Variants in OSBPL6 observed in about 807,000 individuals in gnomAD.
OSBPL6 encodes oxysterol-binding protein-related protein 6.
In OSBPL6, 49 loss-of-function variants were observed where a neutral mutation model predicts 125.8. That is an observed-to-expected ratio of 0.39 (90% confidence interval 0.31 to 0.49). The LOEUF (loss-of-function observed/expected upper bound fraction) is 0.49. OSBPL6 is among the 20% of genes least tolerant of loss of function. The pLI, the probability that OSBPL6 is intolerant of heterozygous loss-of-function variation, is 0.88. For missense variants in OSBPL6, 986 were observed against 1,135.4 expected (o/e 0.87, Z 1.89); for synonymous variants, 394 against 391.8 (o/e 1.01, Z -0.07).
chr2:178,313,601 T>TA (rs1174315290), intron 3 of OSBPL6, among the ~76,000 whole-genome samples: 1 of 152,134 alleles, frequency 6.6e-6, no homozygotes, highest in Non-Finnish European at 1.5e-5. Flanking sequence ...AAAATATAAA[T>TA]AATAAAAAAT....
At chr2:178,382,667 G>C in intron 16 of OSBPL6, 160 bp downstream of exon 16, 7 of 1,467,898 alleles carry the variant, frequency 4.8e-6, no homozygotes, top group Non-Finnish European at 6.3e-6. Flanking sequence ...ATGATCTCTT[G>C]AGGTAAATGG....
intron 1 of OSBPL6, among the ~76,000 whole-genome samples, chr2:178,269,404 C>T (rs191915948): frequency 1.3e-5 from 2 of 152,192 alleles, no homozygotes; most frequent in Non-Finnish European, 2.9e-5. Context: ...ACTCACTTCT[C>T]TTGGGTATAT....
At chr2:178,391,360 T>C (rs1695391663) in intron 22 of OSBPL6, 143 bp downstream of exon 22, 1 of 817,406 alleles carries the variant, frequency 1.2e-6, no homozygotes, top group Non-Finnish European at 1.8e-6. Context: ...GCAATTATAG[T>C]TACATTCATA....
intron 8 of OSBPL6, among the ~76,000 whole-genome samples, chr2:178,335,752 T>A (rs1278621976): frequency 6.6e-6 from 1 of 152,250 alleles, no homozygotes; most frequent in Non-Finnish European, 1.5e-5. Context: ...ATCTTTTTAA[T>A]GAGAAGTCTA....
At chr2:178,370,558 A>G (rs1046206686) in intron 13 of OSBPL6, among the ~76,000 whole-genome samples, 3 of 152,190 alleles carry the variant, frequency 2.0e-5, no homozygotes, top group Non-Finnish European at 4.4e-5. Context: ...TCCAAGAAAA[A>G]TGATCCTGAG....
chr2:178,362,459 ACT>A (rs1303219903), intron 13 of OSBPL6, among the ~76,000 whole-genome samples: 15 of 152,198 alleles, frequency 9.9e-5, no homozygotes, highest in African/African-American at 3.6e-4. Context: ...GCTTTTTTCA[ACT>A]GAGTAGTTCC....
At chr2:178,211,203 G>A (rs896693067) in intron 1 of OSBPL6, among the ~76,000 whole-genome samples, 1 of 152,172 alleles carries the variant, frequency 6.6e-6, no homozygotes, top group Admixed American at 6.5e-5. Context: ...CCGAGAGTTT[G>A]AGGCTGCAGT....
In OSBPL6 at chr2:178,361,807, C is replaced by G; in HGVS notation, c.1279C>G (p.Leu427Val). 6.2e-7 allele frequency: 1 copy of G among 1,614,028 alleles called. No individual in the cohort carries two copies. The highest frequency in any genetic ancestry group is 1.1e-5 in the South Asian group (1 of 91,082). Residue 427 changes from leucine to valine, a missense_variant, in exon 13 of 25, where the codon CTG (leucine) becomes GTG (valine). By Grantham distance (32) the Leu-to-Val change is conservative. Transcript: ENST00000190611. ...GCAGATGGCACGGCTCCGACAGTCA[C>G]TGTCTCAGGTAGGCAAAGAGTGTGT... ...STQMARLRQS[L>V]SQALNQNAEL...
At chr2:178,379,636 A>G (rs776637878) in intron 15 of OSBPL6, among the ~76,000 whole-genome samples, 6 of 152,218 alleles carry the variant, frequency 3.9e-5, no homozygotes, top group African/African-American at 7.2e-5. Context: ...CCTCAAACAT[A>G]ATTGTGTATG....
At chr2:178,310,660 G>A (rs552960002) in intron 3 of OSBPL6, among the ~76,000 whole-genome samples, 8 of 151,712 alleles carry the variant, frequency 5.3e-5, no homozygotes, top group Admixed American at 2.6e-4. Context: ...CTCATGATCC[G>A]CCCACCTCGG....
chr2:178,321,007 C>T (rs531518195), intron 3 of OSBPL6, among the ~76,000 whole-genome samples: 62 of 152,130 alleles, frequency 4.1e-4, no homozygotes, highest in African/African-American at 1.3e-3. Flanking sequence ...AAAATACAAC[C>T]GGGCGTGGTG....
At chr2:178,329,717 G>A (rs923146434) in intron 5 of OSBPL6, among the ~76,000 whole-genome samples, 1 of 152,044 alleles carries the variant, frequency 6.6e-6, no homozygotes, top group South Asian at 2.1e-4. Flanking sequence ...GAGCCACCAC[G>A]TCAGTTTAAA....
At chr2:178,329,550 C>G (rs1188876952) in intron 5 of OSBPL6, among the ~76,000 whole-genome samples, 1 of 151,864 alleles carries the variant, frequency 6.6e-6, no homozygotes, top group East Asian at 1.9e-4. Context: ...TCCAGAGTAG[C>G]TGGGACTACA....
intron 12 of OSBPL6, among the ~76,000 whole-genome samples, chr2:178,350,164 T>C (rs1429345333): frequency 6.6e-6 from 1 of 152,196 alleles, no homozygotes; most frequent in African/African-American, 2.4e-5. Context: ...GTGAGGCTTG[T>C]TGTATAAATT....
chr2:178,376,389 A>G (rs191955567), intron 15 of OSBPL6, among the ~76,000 whole-genome samples: 205 of 151,966 alleles, frequency 1.3e-3, no homozygotes, highest in Non-Finnish European at 2.3e-3. Flanking sequence ...ACCCACCTTG[A>G]TTCACTCGGG....
chr2:178,394,863 T>C (rs1695710107), intron 24 of OSBPL6, among the ~76,000 whole-genome samples: 1 of 152,204 alleles, frequency 6.6e-6, no homozygotes, highest in Admixed American at 6.5e-5. Context: ...AGTAGGTGAT[T>C]ATTACAGGAT....
intron 12 of OSBPL6, among the ~76,000 whole-genome samples, chr2:178,359,729 A>G (rs1047504471): frequency 8.5e-5 from 13 of 152,218 alleles, no homozygotes; most frequent in Admixed American, 3.9e-4. Flanking sequence ...CAGCCTTCAA[A>G]AAGGAAGCGA....
At chr2:178,353,741 A>C (rs1021713829) in intron 12 of OSBPL6, among the ~76,000 whole-genome samples, 2 of 152,212 alleles carry the variant, frequency 1.3e-5, no homozygotes, top group Non-Finnish European at 2.9e-5. Context: ...AAATACAGAA[A>C]ATGCCACAAA....
chr2:178,285,579 T>C (rs1442278098), intron 2 of OSBPL6, among the ~76,000 whole-genome samples: 4 of 152,374 alleles, frequency 2.6e-5, no homozygotes, highest in Non-Finnish European at 5.9e-5. Flanking sequence ...TTCTTTTTGC[T>C]CATGAGACTG....
Sources: allele counts gnomAD v4.1 joint callset (sites outside exome capture counted in the v4.1 genomes callset), GRCh38; gene constraint gnomAD v4.1.1; transcripts MANE v1.5; gene names NCBI Gene and HGNC (gene_info 2026-07-23, HGNC 2026-07-21).